The following UGT1A3 variants were observed in gnomAD, a reference collection of about 807,000 sequenced individuals.
UGT1A3 encodes the protein UDP glucuronosyltransferase family 1 member A3, also known as UDP-glucuronosyltransferase 1A3.
A neutral mutation model predicts 41.0 loss-of-function variants in UGT1A3; 31 were observed. The ratio of observed to expected loss-of-function variants is 0.76; its 90% confidence interval spans 0.57 to 1.02. The LOEUF (loss-of-function observed/expected upper bound fraction) is 1.02. UGT1A3 is among the 50% of genes least tolerant of loss of function. The pLI is 0.00. For synonymous variants in UGT1A3, 262 were observed against 257.6 expected, an observed-to-expected ratio of 1.02 and a Z score of -0.17; for missense variants, 737 against 671.0, an observed-to-expected ratio of 1.10 and a Z score of -1.09.
Position 233,772,653 on chromosome 2 carries a change from T to C in UGT1A3, c.*94T>C. The C allele has an allele frequency of 1.3e-6, 2 of 1,546,978 alleles. No individual in the cohort carries two copies. The highest frequency in any genetic ancestry group is 1.7e-6 in the Non-Finnish European group (2 of 1,146,404). On this transcript the variant is annotated 3_prime_UTR_variant, in exon 5 of 5. Transcript: ENST00000482026. ...CAGTGTTAAATTCATTTTATTCTTA[T>C]TAAGGAAATACTTTGCATAAATTAA...
In UGT1A3 at chr2:233,769,469, G is replaced by A. The variant is rs1360382156; in HGVS notation, c.1307+1030G>A. 6.2e-7 allele frequency: 1 copy of A among 1,610,132 alleles called. No homozygotes were observed. Among genetic ancestry groups the A allele is most frequent in the Non-Finnish European group, 8.5e-7 (1 of 1,177,710 alleles). On this transcript the variant is annotated intron_variant, in intron 4 of 4. Coordinates refer to ENST00000482026, the MANE Select transcript of UGT1A3 (RefSeq NM_019093.4). The surrounding 1 kb of genome is among the most constrained non-coding windows in gnomAD (Gnocchi z 4.4). Reference sequence around the variant, plus strand: ...CACACGTGTGCATTCATATGCGTGTGTGTGTGTGTGCGTGTGTTTATGAGA... The same window carrying A: ...CACACGTGTGCATTCATATGCGTGTATGTGTGTGTGCGTGTGTTTATGAGA...
intron 1 of UGT1A3, chr2:233,748,151 T>G (rs1288204203): frequency 6.9e-6 from 11 of 1,604,706 alleles, no homozygotes; most frequent in Admixed American, 3.3e-5. Context: ...TTACTTACAA[T>G]TGCTTCCATA....
Position 233,765,281 on chromosome 2 carries a change from A to G in UGT1A3, c.868-1753A>G, listed in dbSNP as rs552450239. On this transcript the variant is annotated intron_variant, in intron 1 of 4. Transcript: ENST00000482026. Reference sequence around the variant, plus strand: ...GTATATACCCAAAGAAATATAAATTATTCTACTATAAAGACACATGCACAT... The same window carrying G: ...GTATATACCCAAAGAAATATAAATTGTTCTACTATAAAGACACATGCACAT... Among the ~76,000 whole-genome samples, 6 of 152,338 alleles carry G rather than the reference A, an allele frequency of 3.9e-5. No homozygotes were observed. The East Asian group carries it at 1.2e-3, about 29-fold the overall frequency.
Position 233,772,391 on chromosome 2 carries a change from C to T in UGT1A3, c.1437C>T (p.Ala479=), listed in dbSNP as rs1559420304. 6.2e-7 allele frequency: 1 copy of T among 1,614,114 alleles called. No individual in the cohort carries two copies. Among genetic ancestry groups the T allele is most frequent in the Non-Finnish European group, 8.5e-7 (1 of 1,180,052 alleles). The change falls in exon 5 of 5, where the codon GCC becomes GCT. Residue 479 remains alanine (A), a synonymous_variant. Coordinates refer to ENST00000482026, the MANE Select transcript of UGT1A3 (RefSeq NM_019093.4). ...HKGAPHLRPA[A]HDLTWYQYHS... is the part of the protein sequence containing the mutation. ...GCGCGCCACACCTGCGCCCCGCAGCCCACGACCTCACCTGGTACCAGTACC... is the reference window on the plus strand; with the variant it reads ...GCGCGCCACACCTGCGCCCCGCAGCTCACGACCTCACCTGGTACCAGTACC...
chr2:233,768,263 T>C lies in UGT1A3; in HGVS notation c.1131T>C (p.His377=), dbSNP rs1699595501. The C allele has an allele frequency of 2.5e-6, 4 of 1,614,154 alleles. No individual in the cohort carries two copies. Among genetic ancestry groups the C allele is most frequent in the Non-Finnish European group, 3.4e-6 (4 of 1,180,014 alleles). ...CCTTTATCACCCATGCTGGTTCCCA[T>C]GGTGTTTATGAAAGCATATGCAATG... The part of the protein sequence containing the change: ...TRAFITHAGS[H]GVYESICNGV... Residue 377 remains histidine (H), a synonymous_variant, in exon 4 of 5, where the codon CAT becomes CAC. Coordinates refer to ENST00000482026, the MANE Select transcript of UGT1A3 (RefSeq NM_019093.4).
chr2:233,743,437 C>G (rs1376111647), intron 1 of UGT1A3: 4 of 1,360,536 alleles, frequency 2.9e-6, no homozygotes, highest in East Asian at 4.6e-5. Flanking sequence ...GGAACGAAAT[C>G]CTGTATCAAA....
chr2:233,764,152 G>C (rs1467176799), intron 1 of UGT1A3, among the ~76,000 whole-genome samples: 3 of 152,176 alleles, frequency 2.0e-5, no homozygotes, highest in Non-Finnish European at 2.9e-5. Flanking sequence ...ATTTTGGCTG[G>C]TGAAGTCTCA....
chr2:233,735,427 T>C (rs2078650919), intron 1 of UGT1A3, among the ~76,000 whole-genome samples: 1 of 152,212 alleles, frequency 6.6e-6, no homozygotes, highest in Non-Finnish European at 1.5e-5. Context: ...ATAGGCCTCC[T>C]GAATACAGCA....
At chr2:233,759,599 A>ACCCCCCCCCCCCCCCCC (rs1553620419) in intron 1 of UGT1A3, among the ~76,000 whole-genome samples, 1 of 108,732 alleles carries the variant, frequency 9.2e-6, no homozygotes, top group African/African-American at 3.3e-5. Flanking sequence ...CCCACCCCCG[A>ACCCCCCCCCCCCCCCCC]CCCGCCCCAC....
chr2:233,746,269 G>A (rs1473358649), intron 1 of UGT1A3, among the ~76,000 whole-genome samples: 3 of 151,774 alleles, frequency 2.0e-5, no homozygotes, highest in South Asian at 2.1e-4. Flanking sequence ...ACAAAACGCT[G>A]TGGGGATTCA....
Position 233,746,118 on chromosome 2 carries a change from A to C in UGT1A3, c.867+16125A>C, listed in dbSNP as rs544937305. On this transcript the variant is annotated intron_variant, in intron 1 of 4. Transcript: ENST00000482026. ...CATGTCCAGAGTGCTTACTGTCTGC[A>C]AAACTGTGGACTGGCACCTGAGTGA... 3.3e-4 allele frequency among the ~76,000 whole-genome samples: 50 copies of C among 151,986 alleles called. 2 individuals carry two copies. Among genetic ancestry groups the C allele is most frequent in the African/African-American group, 1.1e-3 (46 of 41,248 alleles).
intron 1 of UGT1A3, chr2:233,754,922 T>C: frequency 7.4e-7 from 1 of 1,349,928 alleles, no homozygotes; most frequent in South Asian, 1.1e-5. Flanking sequence ...CCAGCGGGTT[T>C]CCCAAGAGGT....
intron 1 of UGT1A3, among the ~76,000 whole-genome samples, chr2:233,763,075 G>T (rs563223055): frequency 6.6e-6 from 1 of 152,130 alleles, no homozygotes; most frequent in Non-Finnish European, 1.5e-5. Flanking sequence ...CCTTCTTTGC[G>T]TGAGGATGTT....
chr2:233,755,755 T>A (rs1696010342), intron 1 of UGT1A3: 1 of 152,982 alleles, frequency 6.5e-6, no homozygotes, highest in East Asian at 1.9e-4. Context: ...GGTGCCCATT[T>A]GCTTTTGTTC....
chr2:233,758,920 T>C (rs1318517296), intron 1 of UGT1A3, among the ~76,000 whole-genome samples: 3 of 152,264 alleles, frequency 2.0e-5, no homozygotes, highest in Non-Finnish European at 4.4e-5. Flanking sequence ...TGCTCATCTT[T>C]CCCTTTTGAC....
intron 1 of UGT1A3, among the ~76,000 whole-genome samples, chr2:233,735,381 C>G (rs1160790318): frequency 6.6e-6 from 1 of 152,068 alleles, no homozygotes; most frequent in Non-Finnish European, 1.5e-5. Context: ...TCCTCCATCC[C>G]TTTATTTTGA....
intron 1 of UGT1A3, among the ~76,000 whole-genome samples, chr2:233,738,028 A>G (rs1242649039): frequency 6.6e-6 from 1 of 151,924 alleles, no homozygotes; most frequent in Non-Finnish European, 1.5e-5. Context: ...TAATCCCCAT[A>G]ATCCCCACGT....
rs932840161 is a variant in UGT1A3, at chr2:233,740,624, G to A, written c.867+10631G>A. ...TCTCCAGGTCTCTTGGGGCTCACAG[G>A]GTCATGCCTTTCCTTGCCCAGTGTA... On this transcript the variant is annotated intron_variant, in intron 1 of 4. Coordinates refer to ENST00000482026, the MANE Select transcript of UGT1A3 (RefSeq NM_019093.4). 1.3e-5 allele frequency: 2 copies of A among 151,796 alleles called. 1 individual carries two copies. Among genetic ancestry groups the A allele is most frequent in the African/African-American group, 4.9e-5 (2 of 41,062 alleles). 9.4% of individuals were successfully genotyped at this position (151,796 alleles called of 1,614,324 possible).
chr2:233,733,904 C>T (rs1479410673), intron 1 of UGT1A3, among the ~76,000 whole-genome samples: 1 of 151,462 alleles, frequency 6.6e-6, no homozygotes, highest in Non-Finnish European at 1.5e-5. Context: ...TTGTACCTCT[C>T]TGGTAGAATT....
Sources: gnomAD v4.1 joint callset for allele counts (sites outside exome capture counted in the v4.1 genomes callset) on GRCh38, gnomAD v4.1.1 for gene constraint, Gnocchi (gnomAD v3.1) non-coding constraint, MANE v1.5 for transcripts, NCBI Gene and HGNC (gene_info 2026-07-23, HGNC 2026-07-21) for gene names.